EYS: variants seen among roughly 807,000 people sequenced by gnomAD.
EYS encodes the protein protein eyes shut homolog.
EYS carries 250 observed loss-of-function variants against 282.1 expected under a neutral mutation model. The ratio of observed to expected loss-of-function variants is 0.89; its 90% CI spans 0.80 to 0.98. The LOEUF (loss-of-function observed/expected upper bound fraction) is 0.98. Ranked by LOEUF, EYS falls within the 50% of genes least tolerant of loss-of-function variation. The probability of loss-of-function intolerance (pLI) is 0.00; values close to 1 mark genes in which losing one functional copy is unlikely to be tolerated. For missense variants in EYS, 4,016 were observed against 3,709.0 expected, an observed-to-expected ratio of 1.08 and a Z score of -2.15; for synonymous variants, 1,355 against 1,282.9, an observed-to-expected ratio of 1.06 and a Z score of -1.20.
At chr6:63,794,577 A>G (rs1018588778) in intron 37 of EYS, among the ~76,000 whole-genome samples, 4 of 152,212 alleles carry the variant, frequency 2.6e-5, no homozygotes, top group African/African-American at 7.2e-5. Flanking sequence ...TTAACAGCCC[A>G]TAATAACATA....
rs1228125715 is a variant in EYS, at chr6:64,426,260, A to G, written c.5927+9914T>C. Among the ~76,000 whole-genome samples, 3 of 152,200 alleles carry G rather than the reference A, an allele frequency of 2.0e-5. No individual in the cohort carries two copies. In the East Asian group the frequency reaches 5.8e-4, roughly 29 times the overall value. The stretch of plus-strand genomic sequence containing the variant: ...TGCTTAGAATAATTTCTGTTTGTAC[A>G]TGTTGTCCCAGAGTCATAACTAACA... On this transcript the variant is annotated intron_variant, in intron 28 of 42. Transcript: ENST00000503581.
chr6:65,332,498 A>T (rs1769833583), intron 11 of EYS: 3 of 1,133,270 alleles, frequency 2.6e-6, no homozygotes, highest in Non-Finnish European at 3.9e-6. Flanking sequence ...ATTTCCATTT[A>T]TTCAGAGTAT....
chr6:65,615,825 T>C (rs1344865008), intron 2 of EYS, among the ~76,000 whole-genome samples: 2 of 151,844 alleles, frequency 1.3e-5, no homozygotes, highest in Non-Finnish European at 2.9e-5. Context: ...TCCCAGCTAC[T>C]TGGGAGGCTG....
chr6:64,403,354 A>G (rs553574977), intron 28 of EYS, among the ~76,000 whole-genome samples: 1 of 152,082 alleles, frequency 6.6e-6, no homozygotes, highest in Admixed American at 6.6e-5. Context: ...GATAAAAAAA[A>G]CAAAGTAATT....
intron 41 of EYS, among the ~76,000 whole-genome samples, chr6:63,749,399 C>T (rs1325068058): frequency 1.3e-5 from 2 of 152,086 alleles, no homozygotes; most frequent in African/African-American, 4.8e-5. Context: ...TATCTTATGT[C>T]TGATTATGTG....
chr6:65,672,011 C>T (rs1210344554), intron 1 of EYS, among the ~76,000 whole-genome samples: 1 of 152,046 alleles, frequency 6.6e-6, no homozygotes, highest in Non-Finnish European at 1.5e-5. Context: ...CCCAGCTCAG[C>T]ATAACAGTTT....
rs553770420 is a variant in EYS, at chr6:65,488,030, T to A, written c.862+2564A>T. 6.6e-5 allele frequency among the ~76,000 whole-genome samples: 10 copies of A among 152,310 alleles called. No homozygotes were observed. The East Asian group carries it at 1.9e-3, about 29-fold the overall frequency. On this transcript the variant is annotated intron_variant, in intron 5 of 42. Coordinates refer to ENST00000503581, the MANE Select transcript of EYS (RefSeq NM_001142800.2). ...GAGATCGATGGTGATATCCCCTTTA[T>A]CATTTTTTATTTCATCTATTTAATT... is the stretch of plus-strand genomic sequence containing the variant.
At chr6:64,983,814 G>A (rs1311148437) in intron 14 of EYS, among the ~76,000 whole-genome samples, 6 of 150,926 alleles carry the variant, frequency 4.0e-5, no homozygotes, top group Admixed American at 4.0e-4. Context: ...TCTCCTGTAC[G>A]CTAGTCCTTA....
chr6:65,220,445 A>G (rs1339667816), intron 12 of EYS, among the ~76,000 whole-genome samples: 1 of 152,116 alleles, frequency 6.6e-6, no homozygotes, highest in Non-Finnish European at 1.5e-5. Context: ...GATAGTTTAT[A>G]AAGAAAAATT....
chr6:64,606,570 A>G (rs1430685982), intron 24 of EYS, among the ~76,000 whole-genome samples: 2 of 152,120 alleles, frequency 1.3e-5, no homozygotes, highest in African/African-American at 2.4e-5. Context: ...TAACTAATTT[A>G]TCATTAGAAA....
Position 64,227,380 on chromosome 6 carries a change from A to G in EYS, c.6424+3212T>C, listed in dbSNP as rs201020884. 4.6e-5 allele frequency among the ~76,000 whole-genome samples: 7 copies of G among 151,948 alleles called. No homozygotes were observed. In the East Asian group the frequency reaches 1.4e-3, roughly 29 times the overall value. On this transcript the variant is annotated intron_variant, in intron 31 of 42. Transcript: ENST00000503581. The stretch of plus-strand genomic sequence containing the variant: ...CTTCCTAAAGCAAAGTTTTTTTTTC[A>G]TAAACAGATGACAGAGTGGAAGAAT...
chr6:64,383,803 TTTC>T (rs1186187313), intron 29 of EYS, among the ~76,000 whole-genome samples: 1 of 152,216 alleles, frequency 6.6e-6, no homozygotes, highest in East Asian at 1.9e-4. Context: ...CCTTTCTTGA[TTTC>T]TTCAATGGTG....
chr6:64,968,574 C>T lies in EYS; in HGVS notation c.2260-22660G>A, dbSNP rs569789066. On this transcript the variant is annotated intron_variant, in intron 14 of 42. Coordinates refer to ENST00000503581, the MANE Select transcript of EYS (RefSeq NM_001142800.2). ...GGTCTGATTGCTTTATATAGATGCT[C>T]GAAGCAGTATTATTTTTTTCAGAAA... 7.9e-5 allele frequency among the ~76,000 whole-genome samples: 12 copies of T among 152,188 alleles called. No individual in the cohort carries two copies. The South Asian group carries it at 2.1e-3, about 26-fold the overall frequency.
At chr6:64,297,977 C>CAAAAAA (rs34562408) in intron 30 of EYS, among the ~76,000 whole-genome samples, 280 of 96,408 alleles carry the variant, frequency 2.9e-3, no homozygotes, top group African/African-American at 9.7e-3. Flanking sequence ...GATTCTGTCT[C>CAAAAAA]AAAAAAAAAA....
chr6:64,412,351 T>C (rs34693171), intron 28 of EYS, among the ~76,000 whole-genome samples: 42,105 of 151,960 alleles, frequency 0.28, 5,954 homozygotes, highest in East Asian at 0.46. Flanking sequence ...AAACAATTGT[T>C]CCCAAACAAA....
chr6:64,797,336 G>A (rs1299973070), intron 22 of EYS, among the ~76,000 whole-genome samples: 2 of 151,976 alleles, frequency 1.3e-5, no homozygotes, highest in African/African-American at 4.8e-5. Context: ...CTTCAGGGAA[G>A]GTTCCCAGTT....
At chr6:64,615,087 C>G (rs1355205483) in intron 24 of EYS, among the ~76,000 whole-genome samples, 2 of 152,068 alleles carry the variant, frequency 1.3e-5, no homozygotes, top group South Asian at 4.1e-4. Flanking sequence ...ATGACTTACC[C>G]CCTGTACATT....
At chr6:65,675,257 T>C (rs1259472830) in intron 1 of EYS, among the ~76,000 whole-genome samples, 2 of 151,738 alleles carry the variant, frequency 1.3e-5, no homozygotes, top group East Asian at 3.9e-4. Context: ...TAAGTCTTTA[T>C]CAATAAATAT....
rs1219231406 is a variant in EYS, at chr6:64,190,722, AG to A, written c.6424+39869del. Reference sequence around the variant, plus strand: ...GCAATTTTCTCTCTTCCTTCTGTGGAGGGCGCCTGAGGATGTGTTAGGGTAG... The same window carrying A: ...GCAATTTTCTCTCTTCCTTCTGTGGAGGCGCCTGAGGATGTGTTAGGGTAG... On this transcript the variant is annotated intron_variant, in intron 31 of 42. Transcript: ENST00000503581. 4.6e-5 allele frequency among the ~76,000 whole-genome samples: 7 copies of A among 152,164 alleles called. No homozygotes were observed. In the East Asian group the frequency reaches 1.4e-3, roughly 29 times the overall value.
Sources: gnomAD v4.1 joint callset for allele counts (sites outside exome capture counted in the v4.1 genomes callset) on GRCh38, gnomAD v4.1.1 for gene constraint, MANE v1.5 for transcripts, NCBI Gene and HGNC (gene_info 2026-07-23, HGNC 2026-07-21) for gene names.